HAO1: variants seen among roughly 807,000 people sequenced by gnomAD.
The protein encoded by HAO1 is 2-Hydroxyacid oxidase 1.
In HAO1, 34 loss-of-function variants were observed where a neutral mutation model predicts 39.7. The observed-to-expected ratio is 0.86, with a 90% confidence interval of 0.65 to 1.14. HAO1 has a LOEUF of 1.14. HAO1 is among the 50% of genes most tolerant of loss of function. The probability of loss-of-function intolerance (pLI) is 0.00; values close to 1 mark genes in which losing one functional copy is unlikely to be tolerated. For missense variants in HAO1, 479 were observed against 464.5 expected, an observed-to-expected ratio of 1.03 and a Z score of -0.29; for synonymous variants, 172 against 173.2, an observed-to-expected ratio of 0.99 and a Z score of 0.05.
chr20:7,906,166 C>G lies in HAO1; in HGVS notation c.709G>C (p.Gly237Arg), dbSNP rs1321516780. 7 of 1,611,522 alleles carry G rather than the reference C, an allele frequency of 4.3e-6. No individual in the cohort carries two copies. Among genetic ancestry groups the G allele is most frequent in the Non-Finnish European group, 5.9e-6 (7 of 1,177,900 alleles). The change falls in exon 4 of 8, where the codon GGC (glycine) becomes CGC (arginine). Residue 237 changes from glycine (G) to arginine (R), a missense_variant. Gly to Arg is a moderately radical substitution (Grantham distance 125). Transcript: ENST00000378789. Reference sequence around the variant, plus strand: ...GAAATAAACGAACCTCTCAAAATGCCCTTTGCAACAATTGGCAATGATGTC... The same window carrying G: ...GAAATAAACGAACCTCTCAAAATGCGCTTTGCAACAATTGGCAATGATGTC... ...RLTSLPIVAK[G>R]ILRGDDAREA... is the part of the protein sequence containing the mutation.
At chr20:7,902,486 T>C (rs1208439721) in intron 4 of HAO1, among the ~76,000 whole-genome samples, 2 of 152,178 alleles carry the variant, frequency 1.3e-5, no homozygotes, top group Non-Finnish European at 2.9e-5. Context: ...ACATTGTTTT[T>C]TAGGCATAAT....
intron 5 of HAO1, among the ~76,000 whole-genome samples, chr20:7,889,064 A>C (rs2122749537): frequency 6.6e-6 from 1 of 152,272 alleles, no homozygotes; most frequent in Middle Eastern, 3.4e-3. Flanking sequence ...TTGCCAACCC[A>C]CAAAATTGTA....
At chr20:7,917,233 A>G (rs2050310947) in intron 2 of HAO1, among the ~76,000 whole-genome samples, 1 of 151,490 alleles carries the variant, frequency 6.6e-6, no homozygotes, top group African/African-American at 2.4e-5. Context: ...CCAGCTACTC[A>G]GGCGACTGAA....
rs781036832 is a variant in HAO1 at position 7,914,298 on chromosome 20, T to G, written c.411A>C (p.Arg137=). 6.2e-7 allele frequency: 1 copy of G among 1,614,052 alleles called. No individual in the cohort carries two copies. Among genetic ancestry groups the G allele is most frequent in the Non-Finnish European group, 8.5e-7 (1 of 1,179,982 alleles). The change falls in exon 3 of 8, where the codon CGA becomes CGC. Residue 137 remains arginine, a synonymous_variant. Transcript: ENST00000378789. Reference sequence around the variant, plus strand: ...GCCGCACTAGCTTCTTGGTGACTTCTCGGTCCTTGTAGATATACAGTTGCA... The same window carrying G: ...GCCGCACTAGCTTCTTGGTGACTTCGCGGTCCTTGTAGATATACAGTTGCA... The part of the protein sequence containing the change: ...RWLQLYIYKD[R]EVTKKLVRQA...
chr20:7,938,309 G>T (rs879844789), intron 1 of HAO1, among the ~76,000 whole-genome samples: 1 of 152,026 alleles, frequency 6.6e-6, no homozygotes, highest in Non-Finnish European at 1.5e-5. Context: ...ATTGCAAAAT[G>T]TATTGCAATA....
At chr20:7,900,270 C>T (rs1278394573) in intron 4 of HAO1, among the ~76,000 whole-genome samples, 1 of 152,072 alleles carries the variant, frequency 6.6e-6, no homozygotes. Context: ...CTGTTAGCAG[C>T]CATCAACATC....
At chr20:7,909,049 A>C (rs2050263112) in intron 3 of HAO1, among the ~76,000 whole-genome samples, 1 of 152,042 alleles carries the variant, frequency 6.6e-6, no homozygotes, top group Non-Finnish European at 1.5e-5. Context: ...CCCCCATCCC[A>C]AACAAGCTCC....
intron 1 of HAO1, among the ~76,000 whole-genome samples, chr20:7,937,741 C>G (rs1486752589): frequency 1.3e-5 from 2 of 152,156 alleles, no homozygotes; most frequent in Non-Finnish European, 2.9e-5. Context: ...TACTGTTCTT[C>G]GTTGAATTAA....
chr20:7,903,846 AGATTGTGGTAGCGGTGGTGGTGGTGGT>A (rs2050234337), intron 4 of HAO1, among the ~76,000 whole-genome samples: 1 of 46,520 alleles, frequency 2.1e-5, no homozygotes, highest in Non-Finnish European at 3.7e-5. Context: ...CTGGTAATGG[AGATTGTGGTAGCGGTGGTGGTGGTGGT>A]GGTGGTGGTG....
At chr20:7,923,721 G>A (rs17423211) in intron 2 of HAO1, among the ~76,000 whole-genome samples, 3,146 of 152,210 alleles carry the variant, frequency 0.021, 33 homozygotes, top group South Asian at 0.035. Flanking sequence ...GGAATCACAT[G>A]GGTATGTTAA....
chr20:7,935,029 C>T (rs1340569880), intron 1 of HAO1, among the ~76,000 whole-genome samples: 2 of 152,224 alleles, frequency 1.3e-5, no homozygotes, highest in Non-Finnish European at 2.9e-5. Flanking sequence ...GTTCAATCCC[C>T]TGACAACCAC....
intron 4 of HAO1, among the ~76,000 whole-genome samples, chr20:7,896,500 C>G (rs181020476): frequency 5.3e-5 from 8 of 152,144 alleles, no homozygotes; most frequent in Admixed American, 5.2e-4. Context: ...TTGTTTTATA[C>G]AAGGCTATTT....
intron 5 of HAO1, among the ~76,000 whole-genome samples, chr20:7,887,201 G>T (rs1341478138): frequency 6.6e-6 from 1 of 152,158 alleles, no homozygotes; most frequent in Non-Finnish European, 1.5e-5. Context: ...TTTACAAGGT[G>T]AGCTAGAGGT....
intron 2 of HAO1, among the ~76,000 whole-genome samples, chr20:7,920,198 A>C (rs1279839887): frequency 6.6e-6 from 1 of 152,058 alleles, no homozygotes; most frequent in African/African-American, 2.4e-5. Context: ...TGGTTTTATA[A>C]GGGACTCTTC....
chr20:7,896,371 T>C (rs965478459), intron 4 of HAO1, among the ~76,000 whole-genome samples: 1 of 152,090 alleles, frequency 6.6e-6, no homozygotes, highest in African/African-American at 2.4e-5. Flanking sequence ...AGCAAATGGG[T>C]ATAGGTCATT....
intron 1 of HAO1, among the ~76,000 whole-genome samples, chr20:7,938,830 G>A (rs2122806258): frequency 6.6e-6 from 1 of 152,242 alleles, no homozygotes; most frequent in Middle Eastern, 3.4e-3. Context: ...GTAGCTCATG[G>A]AGACTCCTAA....
intron 2 of HAO1, among the ~76,000 whole-genome samples, chr20:7,932,694 G>C (rs915151692): frequency 6.6e-6 from 1 of 151,880 alleles, no homozygotes; most frequent in Non-Finnish European, 1.5e-5. Flanking sequence ...TTTTAAATTT[G>C]ATGTCATTTT....
At chr20:7,924,749 G>A (rs1401020921) in intron 2 of HAO1, among the ~76,000 whole-genome samples, 2 of 152,076 alleles carry the variant, frequency 1.3e-5, no homozygotes, top group East Asian at 3.9e-4. Flanking sequence ...GGAAAAAGAG[G>A]AAAGAGGAAG....
At chr20:7,936,646 G>T (rs1466970071) in intron 1 of HAO1, among the ~76,000 whole-genome samples, 1 of 151,652 alleles carries the variant, frequency 6.6e-6, no homozygotes, top group African/African-American at 2.4e-5. Context: ...CCAGACAGTG[G>T]CTTTACACTT....
Sources: allele counts gnomAD v4.1 joint callset (sites outside exome capture counted in the v4.1 genomes callset), GRCh38; gene constraint gnomAD v4.1.1; transcripts MANE v1.5; gene names NCBI Gene and HGNC (gene_info 2026-07-23, HGNC 2026-07-21).